The following DYM variants were observed in gnomAD, a reference collection of about 807,000 sequenced individuals.
The protein encoded by DYM is dyggve-Melchior-Clausen syndrome protein.
DYM carries 78 observed loss-of-function variants against 93.1 expected under a neutral mutation model. The observed-to-expected ratio is 0.84, with a 90% confidence interval of 0.70 to 1.01. DYM has a LOEUF of 1.01. DYM is among the 50% of genes least tolerant of loss of function. The pLI is 0.00. For synonymous variants in DYM, 321 were observed against 319.7 expected (o/e 1.00, Z -0.04); for missense variants, 789 against 845.0 (o/e 0.93, Z 0.82).
chr18:49,319,643 C>T (rs1010740108), intron 8 of DYM, among the ~76,000 whole-genome samples: 3 of 152,172 alleles, frequency 2.0e-5, no homozygotes, highest in Non-Finnish European at 2.9e-5. Context: ...GACAAAGATA[C>T]TCTAAGTTCC....
chr18:49,328,431 T>C (rs1010725770), intron 8 of DYM, among the ~76,000 whole-genome samples: 3 of 152,052 alleles, frequency 2.0e-5, no homozygotes, highest in Non-Finnish European at 2.9e-5. Flanking sequence ...TGTTCTATCC[T>C]AGTGAAGGCA....
At chr18:49,177,211 G>A (rs1263733893) in intron 14 of DYM, among the ~76,000 whole-genome samples, 1 of 152,112 alleles carries the variant, frequency 6.6e-6, no homozygotes, top group Non-Finnish European at 1.5e-5. Context: ...AGGATGGCAG[G>A]GTAGAAGTTA....
At chr18:49,282,325 T>TTG in intron 9 of DYM, 150 bp from the exon 10 acceptor site, 1 of 892,436 alleles carries the variant, frequency 1.1e-6, no homozygotes, top group Non-Finnish European at 1.7e-6. Context: ...ATGTAAAATT[T>TTG]ACTTTAGGGC....
chr18:49,303,829 T>C (rs2061102497), intron 8 of DYM, among the ~76,000 whole-genome samples: 1 of 152,246 alleles, frequency 6.6e-6, no homozygotes, highest in Non-Finnish European at 1.5e-5. Flanking sequence ...CTAAATGAAT[T>C]ATGGGATATT....
chr18:49,122,460 C>A (rs1408261155), intron 15 of DYM, among the ~76,000 whole-genome samples: 1 of 152,174 alleles, frequency 6.6e-6, no homozygotes, highest in African/African-American at 2.4e-5. Flanking sequence ...TGTGAGGGAT[C>A]TGGGTTGCAC....
chr18:49,128,425 A>G (rs1414866064), intron 15 of DYM, among the ~76,000 whole-genome samples: 11 of 152,236 alleles, frequency 7.2e-5, no homozygotes, highest in Admixed American at 5.9e-4. Flanking sequence ...ACAGCCTACG[A>G]AAAGTAAAAT....
At chr18:49,333,590 C>G in intron 7 of DYM, 138 bp downstream of exon 7, 1 of 941,970 alleles carries the variant, frequency 1.1e-6, no homozygotes, top group South Asian at 1.4e-5. Flanking sequence ...TCCCTATGCA[C>G]TGGGTTTAAA....
At chr18:49,310,853 C>G (rs1227090754) in intron 8 of DYM, among the ~76,000 whole-genome samples, 1 of 151,838 alleles carries the variant, frequency 6.6e-6, no homozygotes, top group Non-Finnish European at 1.5e-5. Context: ...ACAATAAGGG[C>G]CACATTTATA....
chr18:49,427,642 A>C (rs1490157314), intron 2 of DYM, among the ~76,000 whole-genome samples: 1 of 152,194 alleles, frequency 6.6e-6, no homozygotes, highest in Non-Finnish European at 1.5e-5. Context: ...ATATAGAAAC[A>C]ACCCAGTGTC....
At chr18:49,277,972 C>T (rs1467500402) in intron 10 of DYM, among the ~76,000 whole-genome samples, 1 of 152,086 alleles carries the variant, frequency 6.6e-6, no homozygotes, top group East Asian at 1.9e-4. Context: ...TCAGGAGCTG[C>T]TGATGAGGAA....
At chr18:49,060,503 A>G (rs1470012263) in intron 17 of DYM, among the ~76,000 whole-genome samples, 2 of 151,002 alleles carry the variant, frequency 1.3e-5, no homozygotes, top group East Asian at 3.9e-4. Flanking sequence ...GGGTTTGGAT[A>G]GTTTCCATTC....
intron 15 of DYM, among the ~76,000 whole-genome samples, chr18:49,154,522 A>G (rs1038053111): frequency 5.9e-5 from 9 of 151,970 alleles, no homozygotes; most frequent in Non-Finnish European, 4.4e-5. Context: ...AGTCTCCCGA[A>G]TATCTGGGAT....
At chr18:49,087,817 G>A (rs1056398513) in intron 17 of DYM, among the ~76,000 whole-genome samples, 6 of 151,996 alleles carry the variant, frequency 3.9e-5, no homozygotes, top group African/African-American at 9.7e-5. Flanking sequence ...CATTCTAACT[G>A]GTGTGAGATG....
chr18:49,267,959 G>C (rs985672432), intron 11 of DYM, among the ~76,000 whole-genome samples: 2 of 152,126 alleles, frequency 1.3e-5, no homozygotes, highest in African/African-American at 4.8e-5. Context: ...TTGAACTACA[G>C]TTTTACAACT....
At chr18:49,088,181 T>TCCTTGC (rs1473743610) in intron 17 of DYM, among the ~76,000 whole-genome samples, 10 of 152,236 alleles carry the variant, frequency 6.6e-5, no homozygotes, top group South Asian at 2.1e-4. Flanking sequence ...AGATGTGAAG[T>TCCTTGC]CCTTGCCCAT....
intron 10 of DYM, among the ~76,000 whole-genome samples, chr18:49,278,278 A>C (rs1443588780): frequency 6.6e-6 from 1 of 152,184 alleles, no homozygotes; most frequent in Non-Finnish European, 1.5e-5. Context: ...TCAAATGAGT[A>C]CGATATCAAA....
intron 9 of DYM, among the ~76,000 whole-genome samples, chr18:49,282,805 T>C (rs2145762354): frequency 6.6e-6 from 1 of 152,292 alleles, no homozygotes; most frequent in African/African-American, 2.4e-5. Context: ...GATAAAATAC[T>C]TTGTTACCAA....
At chr18:49,103,096 A>G (rs2080362210) in intron 16 of DYM, among the ~76,000 whole-genome samples, 1 of 152,100 alleles carries the variant, frequency 6.6e-6, no homozygotes, top group African/African-American at 2.4e-5. Flanking sequence ...TGACTTTTTA[A>G]TGATTGCCAT....
chr18:49,089,666 C>T (rs918328747), intron 17 of DYM, among the ~76,000 whole-genome samples: 14 of 152,212 alleles, frequency 9.2e-5, no homozygotes, highest in African/African-American at 3.4e-4. Context: ...GAGTTCATCA[C>T]CAGTCTACTA....
Sources: gnomAD v4.1 joint callset for allele counts (sites outside exome capture counted in the v4.1 genomes callset) on GRCh38, gnomAD v4.1.1 for gene constraint, MANE v1.5 for transcripts, NCBI Gene and HGNC (gene_info 2026-07-23, HGNC 2026-07-21) for gene names.